DENND1A: variants seen among roughly 807,000 people sequenced by gnomAD.
DENND1A encodes the protein DENN domain-containing protein 1A.
A neutral mutation model predicts 113.7 loss-of-function variants in DENND1A; 51 were observed. That is an observed-to-expected ratio of 0.45 (90% CI 0.36 to 0.57). The LOEUF is 0.57. Among genes scored for constraint, DENND1A ranks in the 20% least tolerant of loss-of-function variants. DENND1A has a pLI of 0.00. For synonymous variants in DENND1A, 565 were observed against 570.8 expected, an observed-to-expected ratio of 0.99 and a Z score of 0.14; for missense variants, 1,258 against 1,395.9, an observed-to-expected ratio of 0.90 and a Z score of 1.57.
Position 123,381,551 on chromosome 9 carries a change from T to C in DENND1A, c.3094A>G (p.Arg1032Gly), listed in dbSNP as rs150591766. 3.7e-6 allele frequency: 6 copies of C among 1,613,600 alleles called. No individual in the cohort carries two copies. The highest frequency in any genetic ancestry group is 1.3e-5 in the African/African-American group (1 of 74,884). Residue 1032 changes from arginine (R) to glycine (G), a missense_variant, in exon 24 of 24, where the codon AGA becomes GGA. Around this residue, in one of 2 missense-constraint regions of DENND1A, gnomAD observed 1,159 missense variants for 1,231.7 expected, o/e 0.94. Coordinates refer to ENST00000394215, the MANE Select transcript of DENND1A (RefSeq NM_001352964.2). This position sits in a 1 kb window ranked among gnomAD's most constrained non-coding sequence, Gnocchi z 4.7. ...TLQPSAPQQA[R>G]DPFEDLLQKT... ...TGTAACAAATCCTCAAAGGGGTCTC[T>C]GGCCTGTTGAGGAGCAGAGGGCTGC...
In DENND1A at chr9:123,845,240, A is replaced by G. The variant is rs1842419004; in HGVS notation, c.88+33711T>C. 4.6e-5 allele frequency among the ~76,000 whole-genome samples: 7 copies of G among 152,094 alleles called. No homozygotes were observed. In the South Asian group the frequency reaches 1.5e-3, roughly 32 times the overall value. ...GTCTCCAAAAAACAAAAAAAAAATC[A>G]ACAAGGAAACCAAAACAACTCAATG... On this transcript the variant is annotated intron_variant, in intron 2 of 23. Coordinates refer to ENST00000394215, the MANE Select transcript of DENND1A (RefSeq NM_001352964.2).
intron 5 of DENND1A, among the ~76,000 whole-genome samples, chr9:123,689,117 C>A (rs901831386): frequency 6.6e-6 from 1 of 152,134 alleles, no homozygotes; most frequent in African/African-American, 2.4e-5. Flanking sequence ...CTCCACCTTC[C>A]AGCTTCAAGC....
intron 1 of DENND1A, among the ~76,000 whole-genome samples, chr9:123,882,276 G>A (rs1252862952): frequency 6.7e-6 from 1 of 149,268 alleles, no homozygotes; most frequent in Non-Finnish European, 1.5e-5. Context: ...ATTGTTTGAG[G>A]CCAGGAGTTT....
At chr9:123,672,939 T>G (rs983786404) in intron 6 of DENND1A, among the ~76,000 whole-genome samples, 1 of 152,230 alleles carries the variant, frequency 6.6e-6, no homozygotes, top group African/African-American at 2.4e-5. Flanking sequence ...GCCAATAATA[T>G]CCTTGGCAGC....
At chr9:123,443,183 C>T (rs1262718932) in intron 18 of DENND1A, among the ~76,000 whole-genome samples, 1 of 152,104 alleles carries the variant, frequency 6.6e-6, no homozygotes, top group East Asian at 1.9e-4. Flanking sequence ...AGTCCTGGTG[C>T]TTTTATGCCA....
At chr9:123,591,452 T>C (rs1425706320) in intron 11 of DENND1A, among the ~76,000 whole-genome samples, 2 of 152,194 alleles carry the variant, frequency 1.3e-5, no homozygotes, top group Non-Finnish European at 2.9e-5. Context: ...GGCTGGACAT[T>C]GAGGAGCAGG....
At chr9:123,599,460 A>C (rs2059849494) in intron 11 of DENND1A, among the ~76,000 whole-genome samples, 2 of 152,230 alleles carry the variant, frequency 1.3e-5, no homozygotes, top group Admixed American at 6.5e-5. Flanking sequence ...GCCTATTGGA[A>C]ATATTTTATT....
At chr9:123,475,785 C>T (rs1195075899) in intron 13 of DENND1A, among the ~76,000 whole-genome samples, 1 of 152,210 alleles carries the variant, frequency 6.6e-6, no homozygotes, top group Non-Finnish European at 1.5e-5. Context: ...ATAAGAGTTG[C>T]CCAGATAGAA....
chr9:123,838,598 C>T (rs531065413), intron 2 of DENND1A, among the ~76,000 whole-genome samples: 3 of 152,280 alleles, frequency 2.0e-5, no homozygotes, highest in South Asian at 4.1e-4. Flanking sequence ...ATAGATCAGA[C>T]CCAAAGATTT....
chr9:123,528,827 T>G (rs924653782), intron 13 of DENND1A, among the ~76,000 whole-genome samples: 4 of 152,246 alleles, frequency 2.6e-5, no homozygotes, highest in African/African-American at 9.6e-5. Flanking sequence ...ACACACTTCA[T>G]AGTCCAGCCA....
chr9:123,889,452 T>C (rs1849586979), intron 1 of DENND1A, among the ~76,000 whole-genome samples: 1 of 152,230 alleles, frequency 6.6e-6, no homozygotes, highest in Admixed American at 6.5e-5. Flanking sequence ...CATATTACTG[T>C]GTATTTCAAA....
intron 15 of DENND1A, among the ~76,000 whole-genome samples, chr9:123,455,342 C>A (rs960561892): frequency 2.0e-5 from 3 of 152,218 alleles, no homozygotes; most frequent in Admixed American, 6.5e-5. Context: ...CGCCTCACGG[C>A]CTCTCCATCC....
rs367751848 is a variant in DENND1A, at chr9:123,395,468, C to CTCTCTG, written c.1632-7611_1632-7610insCAGAGA. On this transcript the variant is annotated intron_variant, in intron 21 of 23. Coordinates refer to ENST00000394215, the MANE Select transcript of DENND1A (RefSeq NM_001352964.2). ...AGGGCCCAGAATCTACTCTCTCTCT[C>CTCTCTG]TGTGTGTGTGTGTGTGTGTGTGTGT... 2.4e-3 allele frequency among the ~76,000 whole-genome samples: 346 copies of CTCTCTG among 142,980 alleles called. 1 individual carries two copies. The highest frequency in any genetic ancestry group is 7.6e-3 in the African/African-American group (280 of 36,822). The allele number at this position is 142,980 out of a possible 152,430, so 93.8% of individuals were successfully genotyped here.
At chr9:123,728,499 A>AAAAAAAAC (rs2067903054) in intron 5 of DENND1A, among the ~76,000 whole-genome samples, 1 of 147,186 alleles carries the variant, frequency 6.8e-6, no homozygotes, top group South Asian at 2.1e-4. Context: ...AAAAAAAAAA[A>AAAAAAAAC]AAAAAAAAAA....
At chr9:123,645,990 C>T (rs1050773270) in intron 9 of DENND1A, among the ~76,000 whole-genome samples, 2 of 152,200 alleles carry the variant, frequency 1.3e-5, no homozygotes, top group African/African-American at 2.4e-5. Context: ...AAATATTTAT[C>T]GTGGTGTTAC....
intron 1 of DENND1A, among the ~76,000 whole-genome samples, chr9:123,901,609 C>T (rs76741082): frequency 0.037 from 5,639 of 152,240 alleles, 109 homozygotes; most frequent in Middle Eastern, 0.048. Flanking sequence ...AGTTCTGCCA[C>T]GTCTTTCTCT....
At chr9:123,557,767 A>C (rs887888251) in intron 12 of DENND1A, 72 bp from the exon 13 acceptor site, 1 of 1,549,386 alleles carries the variant, frequency 6.5e-7, no homozygotes, top group East Asian at 2.3e-5. Context: ...AGCCCACTAC[A>C]TATGGAGCCC....
At chr9:123,652,262 A>G in intron 8 of DENND1A, 139 bp from the exon 9 acceptor site, 13 of 706,826 alleles carry the variant, frequency 1.8e-5, no homozygotes, top group Non-Finnish European at 2.7e-5. Context: ...TCTACCTGGG[A>G]GGCCAAATCC....
At chr9:123,537,066 C>T (rs1030144024) in intron 13 of DENND1A, among the ~76,000 whole-genome samples, 1 of 151,890 alleles carries the variant, frequency 6.6e-6, no homozygotes, top group African/African-American at 2.4e-5. Flanking sequence ...AGAGGTATGC[C>T]CACAAAACAG....
Sources: allele counts gnomAD v4.1 joint callset (sites outside exome capture counted in the v4.1 genomes callset), GRCh38; gene constraint gnomAD v4.1.1; regional missense constraint gnomAD v4.1.1; non-coding constraint Gnocchi (gnomAD v3.1); transcripts MANE v1.5; gene names NCBI Gene and HGNC (gene_info 2026-07-23, HGNC 2026-07-21).